The following EYS variants were observed in gnomAD, a reference collection of about 807,000 sequenced individuals.
The protein encoded by EYS is EGF-like photoreceptor maintenance factor.
Under a neutral mutation model 282.1 loss-of-function variants are expected in EYS, and 250 were observed. The observed-to-expected ratio is 0.89, with a 90% CI of 0.80 to 0.98. The LOEUF (loss-of-function observed/expected upper bound fraction) is 0.98, where lower values mean the gene tolerates loss of function less well. EYS is among the 50% of genes least tolerant of loss of function. The pLI is 0.00. For missense variants in EYS, 4,016 were observed against 3,709.0 expected, an observed-to-expected ratio of 1.08 and a Z score of -2.15; for synonymous variants, 1,355 against 1,282.9, an observed-to-expected ratio of 1.06 and a Z score of -1.20.
chr6:64,905,851 T>C, intron 16 of EYS, among the ~76,000 whole-genome samples: 1 of 152,062 alleles, frequency 6.6e-6, no homozygotes, highest in East Asian at 1.9e-4. Context: ...TTGGAATAAT[T>C]TGAAATGAAT....
At chr6:64,473,675 G>A (rs938487631) in intron 26 of EYS, among the ~76,000 whole-genome samples, 7 of 152,144 alleles carry the variant, frequency 4.6e-5, no homozygotes, top group Non-Finnish European at 8.8e-5. Context: ...ATGTTAGAAT[G>A]ATAGAAGCCA....
At chr6:65,371,653 T>G (rs192730105) in intron 8 of EYS, among the ~76,000 whole-genome samples, 1 of 151,196 alleles carries the variant, frequency 6.6e-6, no homozygotes, top group East Asian at 2.0e-4. Context: ...CTTACCTGCT[T>G]TCCTCTCTGC....
At chr6:64,875,790 T>C (rs886773665) in intron 19 of EYS, among the ~76,000 whole-genome samples, 1 of 152,102 alleles carries the variant, frequency 6.6e-6, no homozygotes, top group Non-Finnish European at 1.5e-5. Context: ...GTTCTATCTA[T>C]TATATATAAT....
At chr6:65,557,515 T>C (rs1000729119) in intron 2 of EYS, among the ~76,000 whole-genome samples, 1 of 152,090 alleles carries the variant, frequency 6.6e-6, no homozygotes, top group Non-Finnish European at 1.5e-5. Flanking sequence ...AACTGAGAGC[T>C]CAAAGATGCC....
chr6:64,941,882 CTA>C (rs570439032), intron 15 of EYS, among the ~76,000 whole-genome samples: 35 of 152,046 alleles, frequency 2.3e-4, no homozygotes, highest in Non-Finnish European at 4.1e-4. Flanking sequence ...TAGGTTAGTT[CTA>C]TGTCTTTGCT....
At chr6:65,494,606 T>A in intron 4 of EYS, 57 bp downstream of exon 4, 1 of 1,423,128 alleles carries the variant, frequency 7.0e-7, no homozygotes, top group Non-Finnish European at 9.6e-7. Flanking sequence ...GTTAACAGTT[T>A]ATAAATGCAC....
intron 15 of EYS, among the ~76,000 whole-genome samples, chr6:64,924,125 C>T (rs893980355): frequency 1.1e-4 from 17 of 152,182 alleles, no homozygotes; most frequent in African/African-American, 2.2e-4. Flanking sequence ...GGCATCCAGG[C>T]GATTCCATAC....
At chr6:65,438,646 TA>T (rs1336897366) in intron 5 of EYS, among the ~76,000 whole-genome samples, 1 of 152,232 alleles carries the variant, frequency 6.6e-6, no homozygotes, top group African/African-American at 2.4e-5. Flanking sequence ...GTTGGCTGCA[TA>T]AATGTTTTCT....
intron 26 of EYS, among the ~76,000 whole-genome samples, chr6:64,557,268 G>A (rs114381682): frequency 0.024 from 3,558 of 149,350 alleles, 64 homozygotes; most frequent in Non-Finnish European, 0.038. Flanking sequence ...TTAAATAAAT[G>A]AATATCAAGA....
chr6:64,381,206 T>C (rs1420442638), intron 29 of EYS, among the ~76,000 whole-genome samples: 1 of 152,178 alleles, frequency 6.6e-6, no homozygotes, highest in African/African-American at 2.4e-5. Flanking sequence ...TTCTTTATAC[T>C]AACTCTACCT....
intron 2 of EYS, among the ~76,000 whole-genome samples, chr6:65,581,960 C>T (rs999517283): frequency 1.1e-4 from 17 of 151,628 alleles, no homozygotes; most frequent in African/African-American, 3.6e-4. Context: ...GAGGCTGAGG[C>T]CAGCAGATCA....
intron 30 of EYS, among the ~76,000 whole-genome samples, chr6:64,244,823 T>C (rs1766955403): frequency 1.3e-5 from 2 of 152,222 alleles, no homozygotes; most frequent in African/African-American, 4.8e-5. Context: ...ATATTTTATT[T>C]TCTATCTTTT....
chr6:64,418,397 A>C (rs1774126964), intron 28 of EYS, among the ~76,000 whole-genome samples: 2 of 152,210 alleles, frequency 1.3e-5, no homozygotes, highest in South Asian at 4.1e-4. Context: ...TATAGGGCAG[A>C]AAGCACTAAA....
chr6:64,675,934 T>A (rs1431965626), intron 22 of EYS, among the ~76,000 whole-genome samples: 3 of 150,562 alleles, frequency 2.0e-5, no homozygotes, highest in African/African-American at 7.3e-5. Context: ...TCTCTCCCTC[T>A]TTATATATAT....
intron 33 of EYS, among the ~76,000 whole-genome samples, chr6:64,035,251 A>G (rs1770058937): frequency 6.6e-6 from 1 of 152,224 alleles, no homozygotes; most frequent in African/African-American, 2.4e-5. Flanking sequence ...ATTATGGTTA[A>G]TTTGTGTTTA....
intron 31 of EYS, among the ~76,000 whole-genome samples, chr6:64,127,221 AT>A (rs1773815605): frequency 6.6e-6 from 1 of 152,192 alleles, no homozygotes; most frequent in Admixed American, 6.5e-5. Context: ...TTAAATACAG[AT>A]TCAACATTAG....
intron 30 of EYS, among the ~76,000 whole-genome samples, chr6:64,293,728 T>C (rs1184467730): frequency 1.3e-5 from 2 of 152,160 alleles, no homozygotes; most frequent in East Asian, 3.8e-4. Flanking sequence ...TTTATTCTTT[T>C]CTCTGACTTA....
At position 65,039,959 on chromosome 6, in the gene EYS, A is replaced by G. The variant is rs189689669; in HGVS notation, c.2137+17655T>C. ...GACTCTGAAATGTTTGCACGATAGA[A>G]TCTTGCAGAAGTGTTACTTTGCCAA... On this transcript the variant is annotated intron_variant, in intron 13 of 42. Coordinates refer to ENST00000503581, the MANE Select transcript of EYS (RefSeq NM_001142800.2). 5.4e-3 allele frequency among the ~76,000 whole-genome samples: 817 copies of G among 151,826 alleles called. 10 individuals carry two copies. The highest frequency in any genetic ancestry group is 4.8e-3 in the Non-Finnish European group (327 of 67,758).
chr6:64,841,964 A>G (rs547518472), intron 19 of EYS, among the ~76,000 whole-genome samples: 11 of 152,204 alleles, frequency 7.2e-5, no homozygotes, highest in Admixed American at 5.2e-4. Context: ...AAATGTCAAT[A>G]AGCCCAATTT....
Sources: allele counts gnomAD v4.1 joint callset (sites outside exome capture counted in the v4.1 genomes callset), GRCh38; gene constraint gnomAD v4.1.1; transcripts MANE v1.5; gene names NCBI Gene and HGNC (gene_info 2026-07-23, HGNC 2026-07-21).